The following CSMD3 variants were observed in gnomAD, a reference collection of about 807,000 sequenced individuals.
CSMD3 encodes CUB and sushi domain-containing protein 3.
Under a neutral mutation model 435.2 loss-of-function variants are expected in CSMD3, and 177 were observed. That is an observed-to-expected ratio of 0.41 (90% CI 0.36 to 0.46). The LOEUF (loss-of-function observed/expected upper bound fraction) is 0.46, where lower values mean the gene tolerates loss of function less well. Among genes scored for constraint, CSMD3 ranks in the 20% least tolerant of loss-of-function variants. CSMD3 has a pLI of 0.34. For missense variants in CSMD3, 4,265 were observed against 4,504.6 expected, an observed-to-expected ratio of 0.95 and a Z score of 1.52; for synonymous variants, 1,656 against 1,520.5, an observed-to-expected ratio of 1.09 and a Z score of -2.07.
chr8:113,260,645 A>G (rs530552568), intron 3 of CSMD3, among the ~76,000 whole-genome samples: 1 of 152,264 alleles, frequency 6.6e-6, no homozygotes, highest in Admixed American at 6.5e-5. Flanking sequence ...TCTGGGATAC[A>G]TGTGCAGAAT....
At chr8:113,410,424 AT>A (rs988474922) in intron 1 of CSMD3, among the ~76,000 whole-genome samples, 10 of 152,034 alleles carry the variant, frequency 6.6e-5, no homozygotes, top group Non-Finnish European at 1.5e-4. Context: ...TCTAAGTCCT[AT>A]TTTTCCTTTA....
chr8:113,289,704 T>C (rs577552167), intron 2 of CSMD3, among the ~76,000 whole-genome samples: 11 of 151,842 alleles, frequency 7.2e-5, no homozygotes, highest in African/African-American at 2.4e-4. Context: ...CAGAAAGTAT[T>C]GCACACACTT....
At chr8:112,673,060 G>A (rs1330560880) in intron 16 of CSMD3, among the ~76,000 whole-genome samples, 1 of 152,034 alleles carries the variant, frequency 6.6e-6, no homozygotes, top group Non-Finnish European at 1.5e-5. Context: ...GAATTAAAGA[G>A]GTGAACATTG....
intron 9 of CSMD3, among the ~76,000 whole-genome samples, chr8:112,923,301 C>T (rs966850790): frequency 2.0e-5 from 3 of 152,100 alleles, no homozygotes; most frequent in Non-Finnish European, 4.4e-5. Flanking sequence ...CCCTGTTTCA[C>T]TCAGAATAAA....
chr8:112,395,227 C>G (rs955866022), intron 35 of CSMD3, among the ~76,000 whole-genome samples: 3 of 152,098 alleles, frequency 2.0e-5, no homozygotes, highest in Admixed American at 6.6e-5. Context: ...AGCCTAAGTT[C>G]AAATCCAATT....
intron 3 of CSMD3, among the ~76,000 whole-genome samples, chr8:113,215,624 A>G (rs1165072789): frequency 6.6e-6 from 1 of 151,950 alleles, no homozygotes; most frequent in African/African-American, 2.4e-5. Context: ...TCAAGTAAAT[A>G]TGCCAATGAA....
intron 5 of CSMD3, among the ~76,000 whole-genome samples, chr8:113,090,986 T>C (rs578009332): frequency 1.3e-5 from 2 of 151,996 alleles, no homozygotes; most frequent in East Asian, 1.9e-4. Context: ...AAAAAATACA[T>C]AGAGAGAGTT....
At chr8:113,015,597 G>C (rs1167146472) in intron 6 of CSMD3, among the ~76,000 whole-genome samples, 1 of 151,770 alleles carries the variant, frequency 6.6e-6, no homozygotes, top group African/African-American at 2.4e-5. Flanking sequence ...AATGCCTATA[G>C]CTATGGTATT....
chr8:113,388,543 A>AT (rs2133139383), intron 1 of CSMD3, among the ~76,000 whole-genome samples: 1 of 151,682 alleles, frequency 6.6e-6, no homozygotes, highest in African/African-American at 2.4e-5. Context: ...TTTTTAAAAA[A>AT]TTTTTGTTTG....
chr8:113,335,432 AAT>A (rs2094064967), intron 1 of CSMD3, among the ~76,000 whole-genome samples: 1 of 151,338 alleles, frequency 6.6e-6, no homozygotes, highest in Non-Finnish European at 1.5e-5. Flanking sequence ...TTGTTTCAAT[AAT>A]ATTTCTCTAT....
chr8:112,708,193 A>T (rs2076538395), intron 13 of CSMD3, among the ~76,000 whole-genome samples: 1 of 152,054 alleles, frequency 6.6e-6, no homozygotes, highest in Admixed American at 6.6e-5. Context: ...GTCCCTAATG[A>T]ATGAAAAGGA....
At chr8:113,158,376 T>C (rs2091973995) in intron 4 of CSMD3, among the ~76,000 whole-genome samples, 1 of 152,042 alleles carries the variant, frequency 6.6e-6, no homozygotes, top group African/African-American at 2.4e-5. Context: ...ATGAAGTACA[T>C]GTATCATAAG....
intron 31 of CSMD3, among the ~76,000 whole-genome samples, chr8:112,476,337 CG>C (rs1819051310): frequency 6.6e-6 from 1 of 152,126 alleles, no homozygotes; most frequent in African/African-American, 2.4e-5. Context: ...GGAGCCACCA[CG>C]CCCGGCCTAA....
At chr8:112,662,906 A>T (rs2075422570) in intron 17 of CSMD3, among the ~76,000 whole-genome samples, 1 of 152,206 alleles carries the variant, frequency 6.6e-6, no homozygotes, top group African/African-American at 2.4e-5. Flanking sequence ...TTATGCAGCC[A>T]AAAGACACAT....
At chr8:112,268,449 T>C (rs947732441) in intron 59 of CSMD3, among the ~76,000 whole-genome samples, 1 of 152,214 alleles carries the variant, frequency 6.6e-6, no homozygotes, top group African/African-American at 2.4e-5. Flanking sequence ...CTTTCTCTTT[T>C]AACTTCTTAT....
intron 52 of CSMD3, among the ~76,000 whole-genome samples, chr8:112,303,658 A>G (rs1821136849): frequency 6.6e-6 from 1 of 152,144 alleles, no homozygotes; most frequent in Admixed American, 6.6e-5. Flanking sequence ...TTAATACTTT[A>G]ATTCATTAAT....
intron 3 of CSMD3, among the ~76,000 whole-genome samples, chr8:113,259,471 G>T (rs1313495686): frequency 6.6e-6 from 1 of 152,058 alleles, no homozygotes; most frequent in Non-Finnish European, 1.5e-5. Context: ...TGACTCTGAG[G>T]TTTTCTATGT....
chr8:112,500,569 T>G (rs887880275), intron 30 of CSMD3, among the ~76,000 whole-genome samples: 1 of 152,136 alleles, frequency 6.6e-6, no homozygotes, highest in Non-Finnish European at 1.5e-5. Flanking sequence ...GACTAAAAAT[T>G]ATAGCCCAAT....
At chr8:112,364,643 A>G (rs1827588772) in intron 38 of CSMD3, among the ~76,000 whole-genome samples, 1 of 152,074 alleles carries the variant, frequency 6.6e-6, no homozygotes, top group African/African-American at 2.4e-5. Flanking sequence ...ATCCAAGACT[A>G]TTAATGCTGA....
Sources: allele counts gnomAD v4.1 joint callset (sites outside exome capture counted in the v4.1 genomes callset), GRCh38; gene constraint gnomAD v4.1.1; transcripts MANE v1.5; gene names NCBI Gene and HGNC (gene_info 2026-07-23, HGNC 2026-07-21).